ALK: variants seen among roughly 807,000 people sequenced by gnomAD.
The protein encoded by ALK is ALK receptor tyrosine kinase.
A neutral mutation model predicts 163.1 loss-of-function variants in ALK; 74 were observed. The observed-to-expected ratio is 0.45, with a 90% CI of 0.38 to 0.55. The LOEUF (loss-of-function observed/expected upper bound fraction) is 0.55, where lower values mean the gene tolerates loss of function less well. Ranked by LOEUF, ALK falls within the 20% of genes least tolerant of loss-of-function variation. The pLI, the probability that ALK is intolerant of heterozygous loss-of-function variation, is 0.00. For missense variants in ALK, 2,063 were observed against 2,105.3 expected, an observed-to-expected ratio of 0.98 and a Z score of 0.39; for synonymous variants, 960 against 843.2, an observed-to-expected ratio of 1.14 and a Z score of -2.40.
intron 3 of ALK, among the ~76,000 whole-genome samples, chr2:29,539,488 C>T (rs1166594133): frequency 1.3e-5 from 2 of 152,066 alleles, no homozygotes; most frequent in Non-Finnish European, 2.9e-5. Flanking sequence ...CTTTAATCTA[C>T]AGACAATTAT....
chr2:29,325,618 C>T lies in ALK; in HGVS notation c.1414+2732G>A, dbSNP rs568460615. 1.4e-4 allele frequency among the ~76,000 whole-genome samples: 21 copies of T among 152,284 alleles called. No homozygotes were observed. In the East Asian group the frequency reaches 2.1e-3, roughly 15 times the overall value. ...TTATCATAGCTAAGTGCTGGAAGCT[C>T]GTGAAACAGAGTTTACCCTGCAGTG... On this transcript the variant is annotated intron_variant, in intron 6 of 28. Transcript: ENST00000389048.
intron 1 of ALK, among the ~76,000 whole-genome samples, chr2:29,844,319 T>C (rs555513806): frequency 1.1e-4 from 17 of 152,260 alleles, no homozygotes; most frequent in African/African-American, 4.1e-4. Context: ...GAATGAGCAG[T>C]GCCCCCCGGG....
intron 3 of ALK, among the ~76,000 whole-genome samples, chr2:29,642,518 C>A (rs1676734328): frequency 6.6e-6 from 1 of 152,136 alleles, no homozygotes; most frequent in Admixed American, 6.6e-5. Flanking sequence ...CTGCATATTT[C>A]TTTAAAATAT....
At chr2:29,498,621 C>T (rs988803140) in intron 4 of ALK, among the ~76,000 whole-genome samples, 2 of 152,078 alleles carry the variant, frequency 1.3e-5, no homozygotes, top group African/African-American at 2.4e-5. Flanking sequence ...GAGCGGGGCT[C>T]CACTTGCCAA....
chr2:29,810,104 T>C (rs1664715758), intron 1 of ALK, among the ~76,000 whole-genome samples: 3 of 152,050 alleles, frequency 2.0e-5, no homozygotes, highest in Admixed American at 2.0e-4. Flanking sequence ...TTAATTTAAT[T>C]GAGATACCAT....
At chr2:29,498,511 G>A (rs544624407) in intron 4 of ALK, among the ~76,000 whole-genome samples, 3 of 152,286 alleles carry the variant, frequency 2.0e-5, no homozygotes, top group African/African-American at 4.8e-5. Context: ...TCAGTGCCAT[G>A]TCTATTGTCT....
chr2:29,723,684 G>A (rs1679484553), intron 1 of ALK, among the ~76,000 whole-genome samples: 1 of 152,168 alleles, frequency 6.6e-6, no homozygotes, highest in South Asian at 2.1e-4. Flanking sequence ...TAAGAATAGG[G>A]CATATTCTAA....
At chr2:29,832,319 A>G (rs1665442024) in intron 1 of ALK, among the ~76,000 whole-genome samples, 1 of 152,198 alleles carries the variant, frequency 6.6e-6, no homozygotes, top group South Asian at 2.1e-4. Context: ...GGTCGCCGGC[A>G]GGAGGTCTCA....
intron 9 of ALK, among the ~76,000 whole-genome samples, chr2:29,294,069 C>T (rs1666114334): frequency 6.6e-6 from 1 of 152,224 alleles, no homozygotes; most frequent in Non-Finnish European, 1.5e-5. Context: ...CCTAAGGAAG[C>T]TTCATGGGAT....
intron 3 of ALK, among the ~76,000 whole-genome samples, chr2:29,669,785 G>A (rs1677626855): frequency 1.3e-5 from 2 of 151,350 alleles, no homozygotes; most frequent in African/African-American, 4.9e-5. Context: ...ATTACCATAG[G>A]CTTACAAAAA....
intron 3 of ALK, among the ~76,000 whole-genome samples, chr2:29,685,617 G>A (rs935424181): frequency 7.2e-5 from 10 of 139,516 alleles, no homozygotes; most frequent in East Asian, 2.3e-4. Context: ...TTCTAGAATC[G>A]TGCCCCAGGT....
At chr2:29,420,439 C>T (rs981356534) in intron 4 of ALK, among the ~76,000 whole-genome samples, 6 of 151,400 alleles carry the variant, frequency 4.0e-5, no homozygotes, top group African/African-American at 1.5e-4. Flanking sequence ...AAGTTCATTA[C>T]CATCTTTATT....
chr2:29,625,285 C>T (rs1234523028), intron 3 of ALK, among the ~76,000 whole-genome samples: 1 of 152,130 alleles, frequency 6.6e-6, no homozygotes, highest in Non-Finnish European at 1.5e-5. Context: ...GACTGCAGTT[C>T]AACTTCCAAA....
intron 3 of ALK, among the ~76,000 whole-genome samples, chr2:29,595,465 C>T (rs1021335841): frequency 1.3e-5 from 2 of 151,990 alleles, no homozygotes; most frequent in Admixed American, 6.5e-5. Context: ...GGACTACAGG[C>T]GCCCACCACC....
intron 4 of ALK, among the ~76,000 whole-genome samples, chr2:29,498,468 C>T (rs9808313): frequency 0.43 from 65,528 of 151,872 alleles, 14,856 homozygotes; most frequent in Non-Finnish European, 0.5. Flanking sequence ...CTGTGTCGAC[C>T]TCATCCGTAA....
intron 4 of ALK, among the ~76,000 whole-genome samples, chr2:29,413,786 G>A (rs1003817080): frequency 2.0e-5 from 3 of 152,050 alleles, no homozygotes; most frequent in Non-Finnish European, 2.9e-5. Flanking sequence ...ACCTGCCTCA[G>A]CCTCCTATAG....
At chr2:29,884,755 A>G (rs1255670202) in intron 1 of ALK, among the ~76,000 whole-genome samples, 1 of 152,244 alleles carries the variant, frequency 6.6e-6, no homozygotes, top group Non-Finnish European at 1.5e-5. Context: ...AAATGTCAAG[A>G]TAACAGGGAA....
At chr2:29,652,562 G>T (rs1213553999) in intron 3 of ALK, among the ~76,000 whole-genome samples, 1 of 152,076 alleles carries the variant, frequency 6.6e-6, no homozygotes, top group Admixed American at 6.6e-5. Context: ...CAGCCCCTAG[G>T]TAGCTTCAGG....
intron 3 of ALK, among the ~76,000 whole-genome samples, chr2:29,634,076 T>C (rs1417770053): frequency 6.6e-6 from 1 of 151,966 alleles, no homozygotes; most frequent in African/African-American, 2.4e-5. Context: ...CACTATGTTG[T>C]CCAGGTGTCC....
Sources: allele counts gnomAD v4.1 joint callset (sites outside exome capture counted in the v4.1 genomes callset), GRCh38; gene constraint gnomAD v4.1.1; transcripts MANE v1.5; gene names NCBI Gene and HGNC (gene_info 2026-07-23, HGNC 2026-07-21).